AFG1L: variants seen among roughly 807,000 people sequenced by gnomAD.
The protein encoded by AFG1L is AFG1-like ATPase.
A neutral mutation model predicts 62.2 loss-of-function variants in AFG1L; 53 were observed. That is an observed-to-expected ratio of 0.85 (90% CI 0.68 to 1.07). The LOEUF (loss-of-function observed/expected upper bound fraction) is 1.07, where lower values mean the gene tolerates loss of function less well. AFG1L is among the 50% of genes least tolerant of loss of function. The pLI is 0.00. For missense variants in AFG1L, 555 were observed against 590.5 expected (o/e 0.94, Z 0.62); for synonymous variants, 228 against 210.3 (o/e 1.08, Z -0.73).
At chr6:108,318,186 T>C in intron 1 of AFG1L, 1 of 260,334 alleles carries the variant, frequency 3.8e-6, no homozygotes, top group Non-Finnish European at 7.5e-6. Context: ...ATTCTCTGTG[T>C]GCCCAAGGAA....
chr6:108,503,441 C>G (rs145985080), intron 10 of AFG1L, among the ~76,000 whole-genome samples: 9 of 152,130 alleles, frequency 5.9e-5, no homozygotes, highest in Admixed American at 4.6e-4. Flanking sequence ...CTTGGGTGAC[C>G]GAGTGCATTG....
chr6:108,416,534 T>C (rs1041096652), intron 7 of AFG1L, among the ~76,000 whole-genome samples: 10 of 152,274 alleles, frequency 6.6e-5, no homozygotes, highest in Non-Finnish European at 1.3e-4. Flanking sequence ...CAAATGTCCA[T>C]CAATGATAGA....
At chr6:108,437,025 C>T (rs1469165615) in intron 7 of AFG1L, among the ~76,000 whole-genome samples, 1 of 152,112 alleles carries the variant, frequency 6.6e-6, no homozygotes, top group Non-Finnish European at 1.5e-5. Flanking sequence ...TTAGCTGTGT[C>T]CTCACATCAT....
At chr6:108,352,869 A>G (rs1043205992) in intron 3 of AFG1L, among the ~76,000 whole-genome samples, 1 of 152,006 alleles carries the variant, frequency 6.6e-6, no homozygotes, top group Non-Finnish European at 1.5e-5. Flanking sequence ...CCTGTTCCTT[A>G]TATTATTTTT....
chr6:108,366,707 C>A (rs114613244), intron 6 of AFG1L, among the ~76,000 whole-genome samples: 1 of 151,844 alleles, frequency 6.6e-6, no homozygotes, highest in African/African-American at 2.4e-5. Context: ...TAGAAAAAGA[C>A]CGAAAACTTG....
At chr6:108,473,497 C>G (rs1772983700) in intron 8 of AFG1L, among the ~76,000 whole-genome samples, 1 of 152,212 alleles carries the variant, frequency 6.6e-6, no homozygotes, top group Admixed American at 6.5e-5. Context: ...GCAGACCATA[C>G]TGAGTGGGTG....
At chr6:108,305,213 C>G (rs1239187376) in intron 1 of AFG1L, among the ~76,000 whole-genome samples, 1 of 152,152 alleles carries the variant, frequency 6.6e-6, no homozygotes, top group Non-Finnish European at 1.5e-5. Context: ...ATTATATTAA[C>G]AATGGCCAAG....
intron 1 of AFG1L, 32 bp from the exon 2 acceptor site, chr6:108,323,793 G>C: frequency 6.6e-7 from 1 of 1,520,094 alleles, no homozygotes; most frequent in Non-Finnish European, 9.1e-7. Flanking sequence ...ATGTATTTAA[G>C]AAAGTCTAAA....
At chr6:108,431,597 C>CTTTTTTTT (rs5878977) in intron 7 of AFG1L, among the ~76,000 whole-genome samples, 3 of 98,446 alleles carry the variant, frequency 3.0e-5, no homozygotes, top group Non-Finnish European at 6.1e-5. Flanking sequence ...TTCTTTGTTG[C>CTTTTTTTT]TTTTTTTTTT....
At chr6:108,477,877 A>G (rs1773178564) in intron 10 of AFG1L, among the ~76,000 whole-genome samples, 1 of 152,250 alleles carries the variant, frequency 6.6e-6, no homozygotes, top group Non-Finnish European at 1.5e-5. Context: ...CAGATTCATT[A>G]TAGATATGAA....
At chr6:108,388,868 A>G (rs1006297980) in intron 6 of AFG1L, among the ~76,000 whole-genome samples, 1 of 152,090 alleles carries the variant, frequency 6.6e-6, no homozygotes, top group Non-Finnish European at 1.5e-5. Flanking sequence ...TTTGGGGTGG[A>G]AAGTTCTGTA....
At chr6:108,459,710 A>G (rs1274686722) in intron 8 of AFG1L, among the ~76,000 whole-genome samples, 1 of 152,228 alleles carries the variant, frequency 6.6e-6, no homozygotes, top group Non-Finnish European at 1.5e-5. Flanking sequence ...AGAGAATTAT[A>G]ATAGAATTAG....
intron 7 of AFG1L, among the ~76,000 whole-genome samples, chr6:108,438,851 G>C (rs1186378095): frequency 6.6e-6 from 1 of 152,162 alleles, no homozygotes; most frequent in Non-Finnish European, 1.5e-5. Flanking sequence ...GGTAGCTAGG[G>C]AAAGAGGAGT....
At chr6:108,303,444 A>G (rs1287061574) in intron 1 of AFG1L, among the ~76,000 whole-genome samples, 3 of 152,146 alleles carry the variant, frequency 2.0e-5, no homozygotes, top group Non-Finnish European at 4.4e-5. Context: ...AGCGTTATGG[A>G]TGCTAGCTCT....
At chr6:108,385,719 G>T (rs1396452548) in intron 6 of AFG1L, among the ~76,000 whole-genome samples, 1 of 152,160 alleles carries the variant, frequency 6.6e-6, no homozygotes, top group African/African-American at 2.4e-5. Flanking sequence ...TGATGATTGG[G>T]AACTGATGAC....
intron 7 of AFG1L, among the ~76,000 whole-genome samples, chr6:108,428,441 G>A (rs191922825): frequency 1.1e-3 from 162 of 152,244 alleles, no homozygotes; most frequent in Admixed American, 9.0e-3. Context: ...TTGATGTAAT[G>A]GTTTCTTTTC....
intron 6 of AFG1L, among the ~76,000 whole-genome samples, chr6:108,395,179 T>C (rs574227212): frequency 6.2e-4 from 94 of 152,266 alleles, no homozygotes; most frequent in African/African-American, 1.9e-3. Flanking sequence ...TATAATGATG[T>C]TGTGATGAAT....
intron 1 of AFG1L, 41 bp downstream of exon 1, chr6:108,295,259 T>G: frequency 6.4e-7 from 1 of 1,568,136 alleles, no homozygotes; most frequent in Non-Finnish European, 8.6e-7. Flanking sequence ...CGACTGCATA[T>G]GACTGGAGAA....
At chr6:108,301,875 G>C (rs1777014878) in intron 1 of AFG1L, among the ~76,000 whole-genome samples, 1 of 151,770 alleles carries the variant, frequency 6.6e-6, no homozygotes, top group South Asian at 2.1e-4. Flanking sequence ...AGAGATCACT[G>C]ATTGATTTAC....
Sources: allele counts gnomAD v4.1 joint callset (sites outside exome capture counted in the v4.1 genomes callset), GRCh38; gene constraint gnomAD v4.1.1; transcripts MANE v1.5; gene names NCBI Gene and HGNC (gene_info 2026-07-23, HGNC 2026-07-21).